Variants in TRHDE observed in about 807,000 individuals in gnomAD.
TRHDE encodes thyrotropin releasing hormone degrading enzyme, also known as thyrotropin-releasing hormone-degrading ectoenzyme.
TRHDE carries 72 observed loss-of-function variants against 125.7 expected under a neutral mutation model. The observed-to-expected ratio is 0.57, with a 90% CI of 0.47 to 0.70. The LOEUF (loss-of-function observed/expected upper bound fraction) is 0.70. Among genes scored for constraint, TRHDE ranks in the 30% least tolerant of loss-of-function variants. The probability of loss-of-function intolerance (pLI) is 0.00; values close to 1 mark genes in which losing one functional copy is unlikely to be tolerated. For synonymous variants in TRHDE, 509 were observed against 509.1 expected (o/e 1.00, Z 0.00); for missense variants, 1,110 against 1,327.1 (o/e 0.84, Z 2.54).
chr12:72,321,490 C>G (rs527977735), intron 2 of TRHDE, among the ~76,000 whole-genome samples: 2 of 152,282 alleles, frequency 1.3e-5, no homozygotes, highest in East Asian at 3.9e-4. Flanking sequence ...TACTTGTTCA[C>G]CATTTCTGCT....
At position 72,380,040 on chromosome 12, in the gene TRHDE, G is replaced by A. The variant is rs968892863; in HGVS notation, c.1315+1919G>A. On this transcript the variant is annotated intron_variant, in intron 3 of 18. Coordinates refer to ENST00000261180, the MANE Select transcript of TRHDE (RefSeq NM_013381.3). ...TACTTTCCATTATACATTATGAATC[G>A]TATTTTAAATAAATTCTATAGAAAC... Among the ~76,000 whole-genome samples the A allele has an allele frequency of 3.9e-5, 6 of 151,970 alleles. No individual in the cohort carries two copies. In the South Asian group the frequency reaches 6.2e-4, roughly 16 times the overall value.
chr12:72,655,860 A>G (rs1341549169), intron 17 of TRHDE, among the ~76,000 whole-genome samples: 1 of 152,130 alleles, frequency 6.6e-6, no homozygotes, highest in Admixed American at 6.6e-5. Flanking sequence ...TTACTTAGCT[A>G]GCTTTTTTTC....
At chr12:72,572,390 ATTAT>A (rs1404860309) in intron 10 of TRHDE, among the ~76,000 whole-genome samples, 1 of 152,106 alleles carries the variant, frequency 6.6e-6, no homozygotes, top group Admixed American at 6.6e-5. Context: ...ATATTTTTTA[ATTAT>A]TATTGCCAGC....
At chr12:72,208,380 T>C (rs1877711403) in intron 2 of TRHDE, among the ~76,000 whole-genome samples, 1 of 152,070 alleles carries the variant, frequency 6.6e-6, no homozygotes, top group South Asian at 2.1e-4. Context: ...AGGTTCCACA[T>C]GAATATCCAA....
intron 7 of TRHDE, among the ~76,000 whole-genome samples, chr12:72,558,174 C>T (rs1242748968): frequency 6.6e-6 from 1 of 152,000 alleles, no homozygotes; most frequent in African/African-American, 2.4e-5. Context: ...AACAGTCAAA[C>T]TAATAAACAG....
At chr12:72,148,276 C>T (rs772415784) in intron 2 of TRHDE, among the ~76,000 whole-genome samples, 1 of 152,154 alleles carries the variant, frequency 6.6e-6, no homozygotes, top group Admixed American at 6.5e-5. Flanking sequence ...AAGAATCCAA[C>T]AGCATTAGAA....
chr12:72,633,713 C>T (rs1873594242), intron 15 of TRHDE, among the ~76,000 whole-genome samples: 1 of 152,062 alleles, frequency 6.6e-6, no homozygotes, highest in African/African-American at 2.4e-5. Flanking sequence ...CCATATTCTT[C>T]CTGGTTGCCA....
intron 9 of TRHDE, among the ~76,000 whole-genome samples, chr12:72,565,546 A>G (rs1007627453): frequency 2.0e-5 from 3 of 152,158 alleles, no homozygotes; most frequent in Non-Finnish European, 4.4e-5. Context: ...ATGCATTGCA[A>G]TGTAAAGTAA....
At chr12:72,660,668 G>A (rs185000767) in intron 18 of TRHDE, among the ~76,000 whole-genome samples, 1 of 152,126 alleles carries the variant, frequency 6.6e-6, no homozygotes, top group Non-Finnish European at 1.5e-5. Context: ...TTATACTAAT[G>A]ATTGATAATT....
chr12:72,230,347 A>G (rs541073208), intron 2 of TRHDE, among the ~76,000 whole-genome samples: 1 of 152,298 alleles, frequency 6.6e-6, no homozygotes, highest in South Asian at 2.1e-4. Context: ...CAGCTGTCGT[A>G]ACAGTTGCTT....
intron 2 of TRHDE, among the ~76,000 whole-genome samples, chr12:72,139,765 C>T (rs527708266): frequency 2.9e-4 from 44 of 152,090 alleles, no homozygotes; most frequent in Admixed American, 2.0e-3. Context: ...AAATTCTAAG[C>T]CCCCCAACCA....
At chr12:72,380,217 G>T in intron 3 of TRHDE, among the ~76,000 whole-genome samples, 1 of 152,082 alleles carries the variant, frequency 6.6e-6, no homozygotes. Context: ...AGTGCCTACC[G>T]TGGACATTTT....
In TRHDE at chr12:72,272,871, G is replaced by A. The variant is rs1159241645; in HGVS notation, c.228G>A (p.Glu76=). 1.3e-6 allele frequency: 2 copies of A among 1,579,628 alleles called. No homozygotes were observed. Among genetic ancestry groups the A allele is most frequent in the Admixed American group, 1.7e-5 (1 of 57,334 alleles). ...TGGGAGTGCGACCCCGCACCACGGA[G>A]CGCCACATCGCCGTACACAAGCGGC... ...DSVGVRPRTT[E]RHIAVHKRLV... The change falls in exon 1 of 19, where the codon GAG becomes GAA. Residue 76 remains glutamate (E), a synonymous_variant. Transcript: ENST00000261180. This position sits in a 1 kb window ranked among gnomAD's most constrained non-coding sequence, Gnocchi z 6.7.
intron 5 of TRHDE, 56 bp downstream of exon 5, chr12:72,473,236 T>C (rs951846381): frequency 7.4e-7 from 1 of 1,348,406 alleles, no homozygotes; most frequent in Non-Finnish European, 1.1e-6. Context: ...TAGTGTTACA[T>C]TAGGCTTATA....
rs531078920 is a variant in TRHDE, at chr12:72,400,754, A to G, written c.1315+22633A>G. On this transcript the variant is annotated intron_variant, in intron 3 of 18. Transcript: ENST00000261180. ...GTTGTATACTATTCAGTCTTAAGAA[A>G]AAGTTTGTCTTAATTAGAGAAGCTA... is the stretch of plus-strand genomic sequence containing the variant. 3.3e-5 allele frequency among the ~76,000 whole-genome samples: 5 copies of G among 152,258 alleles called. No homozygotes were observed. The East Asian group carries it at 9.6e-4, about 29-fold the overall frequency.
At chr12:72,404,948 C>T (rs1873204514) in intron 3 of TRHDE, among the ~76,000 whole-genome samples, 1 of 152,154 alleles carries the variant, frequency 6.6e-6, no homozygotes, top group African/African-American at 2.4e-5. Flanking sequence ...ACCTAGTGTA[C>T]AATAACTTCA....
intron 3 of TRHDE, among the ~76,000 whole-genome samples, chr12:72,401,384 A>G (rs1181798458): frequency 6.6e-6 from 1 of 152,200 alleles, no homozygotes; most frequent in East Asian, 1.9e-4. Context: ...ACTAATGAGG[A>G]AATTTTAAAG....
Position 72,614,330 on chromosome 12 carries a change from A to ATATATATATTT in TRHDE, c.2322-4560_2322-4559insATATATATTTT, listed in dbSNP as rs531067163. On this transcript the variant is annotated intron_variant, in intron 12 of 18. Coordinates refer to ENST00000261180, the MANE Select transcript of TRHDE (RefSeq NM_013381.3). Reference sequence around the variant, plus strand: ...TACATATGTATATATATATATATATATTTTTTTTTTCTCTAGAAACTGATC... The same window carrying ATATATATATTT: ...TACATATGTATATATATATATATATATATATATATTTTTTTTTTTTTCTCTAGAAACTGATC... Among the ~76,000 whole-genome samples, 791 of 129,790 alleles carry ATATATATATTT rather than the reference A, an allele frequency of 6.1e-3. 6 individuals are homozygous for ATATATATATTT. The highest frequency in any genetic ancestry group is 0.018 in the African/African-American group (595 of 32,774). 85.1% of individuals were successfully genotyped at this position (129,790 alleles called of 152,430 possible).
At chr12:72,096,250 C>T (rs1377118413) in intron 1 of TRHDE, among the ~76,000 whole-genome samples, 3 of 151,840 alleles carry the variant, frequency 2.0e-5, no homozygotes, top group African/African-American at 7.3e-5. Flanking sequence ...GCATTTGGAC[C>T]TTAAATATTT....
Sources: allele counts gnomAD v4.1 joint callset (sites outside exome capture counted in the v4.1 genomes callset), GRCh38; gene constraint gnomAD v4.1.1; non-coding constraint Gnocchi (gnomAD v3.1); transcripts MANE v1.5; gene names NCBI Gene and HGNC (gene_info 2026-07-23, HGNC 2026-07-21).